The following JAK1 variants were observed in gnomAD, a reference collection of about 807,000 sequenced individuals.
JAK1 encodes the protein Janus kinase 1.
JAK1 carries 16 observed loss-of-function variants against 136.6 expected under a neutral mutation model. The observed-to-expected ratio is 0.12, with a 90% CI of 0.08 to 0.18. The LOEUF is 0.18. Ranked by LOEUF, JAK1 falls within the 10% of genes least tolerant of loss-of-function variation. The pLI is 1.00. For synonymous variants in JAK1, 492 were observed against 519.5 expected, an observed-to-expected ratio of 0.95 and a Z score of 0.72; for missense variants, 859 against 1,450.1, an observed-to-expected ratio of 0.59 and a Z score of 6.62.
chr1:64,902,618 A>G (rs1192481956), intron 1 of JAK1, among the ~76,000 whole-genome samples: 4 of 65,086 alleles, frequency 6.1e-5, no homozygotes, highest in Non-Finnish European at 1.0e-4. Context: ...GTGTTATGGC[A>G]TGTTAAGATG....
chr1:64,840,548 C>G lies in JAK1; in HGVS notation c.2649+697G>C, dbSNP rs1654828258. Among the ~76,000 whole-genome samples, 5 of 152,198 alleles carry G rather than the reference C, an allele frequency of 3.3e-5. No homozygotes were observed. The South Asian group carries it at 1.0e-3, about 31-fold the overall frequency. On this transcript the variant is annotated intron_variant, in intron 19 of 24. Transcript: ENST00000342505. ...ATAAACCTATCCCTGCTCTAAAGAGCCTTACAGGGCTGGGTATGGTGGCTT... is the reference window on the plus strand; with the variant it reads ...ATAAACCTATCCCTGCTCTAAAGAGGCTTACAGGGCTGGGTATGGTGGCTT...
intron 1 of JAK1, among the ~76,000 whole-genome samples, chr1:64,911,464 A>G (rs1645284661): frequency 6.6e-6 from 1 of 152,216 alleles, no homozygotes; most frequent in South Asian, 2.1e-4. Flanking sequence ...TACACCCCCA[A>G]CAATATCATG....
intron 1 of JAK1, among the ~76,000 whole-genome samples, chr1:64,937,395 T>C (rs1268876492): frequency 6.6e-6 from 1 of 152,260 alleles, no homozygotes; most frequent in Non-Finnish European, 1.5e-5. Flanking sequence ...TCAGCCATTA[T>C]TCTAGTTGTA....
intron 1 of JAK1, among the ~76,000 whole-genome samples, chr1:64,910,564 T>G (rs770187425): frequency 6.6e-6 from 1 of 152,178 alleles, no homozygotes; most frequent in African/African-American, 2.4e-5. Context: ...CCAGGTGTGG[T>G]GGCTCACGCC....
chr1:64,887,945 G>A (rs1019973867), intron 1 of JAK1, among the ~76,000 whole-genome samples: 5 of 152,200 alleles, frequency 3.3e-5, no homozygotes, highest in Non-Finnish European at 7.3e-5. Context: ...CTTGCTAACT[G>A]CATGTCTGGA....
chr1:65,027,341 C>T (rs1051660619), intron 2 of JAK1, among the ~76,000 whole-genome samples: 1 of 152,120 alleles, frequency 6.6e-6, no homozygotes, highest in African/African-American at 2.4e-5. Flanking sequence ...GTGTGAGCCA[C>T]TGCACCCAGC....
chr1:65,018,497 C>CACAA (rs1553181624), intron 2 of JAK1, among the ~76,000 whole-genome samples: 19 of 151,310 alleles, frequency 1.3e-4, no homozygotes, highest in East Asian at 3.9e-4. Flanking sequence ...AACACACACA[C>CACAA]ACACACACAC....
intron 2 of JAK1, chr1:64,986,093 T>A: frequency 3.2e-6 from 3 of 935,930 alleles, no homozygotes; most frequent in Non-Finnish European, 4.9e-6. Context: ...ATGTCCCCCA[T>A]GGCCTCAATC....
Position 64,941,120 on chromosome 1 carries a change from G to A in JAK1, c.-78+25213C>T, listed in dbSNP as rs577343819. On this transcript the variant is annotated intron_variant, in intron 1 of 24. Coordinates refer to ENST00000342505, the MANE Select transcript of JAK1 (RefSeq NM_002227.4). ...CAGGGGTTGCAGTGAGCCAAAGATC[G>A]TGCCACTGCACTCCAGCCTGGGCTA... 8.5e-5 allele frequency among the ~76,000 whole-genome samples: 13 copies of A among 152,268 alleles called. No homozygotes were observed. The South Asian group carries it at 2.1e-3, about 24-fold the overall frequency.
At chr1:64,949,984 TA>T (rs1298842890) in intron 1 of JAK1, among the ~76,000 whole-genome samples, 1 of 152,100 alleles carries the variant, frequency 6.6e-6, no homozygotes, top group African/African-American at 2.4e-5. Context: ...TAAAATAGAA[TA>T]AAAAAGTTTA....
intron 2 of JAK1, among the ~76,000 whole-genome samples, chr1:64,978,093 C>T (rs1051415395): frequency 2.0e-5 from 3 of 152,084 alleles, no homozygotes; most frequent in South Asian, 2.1e-4. Flanking sequence ...TCCTGGCCAA[C>T]GTGGTGAAAC....
intron 2 of JAK1, among the ~76,000 whole-genome samples, chr1:64,997,187 C>T (rs917784876): frequency 2.6e-5 from 4 of 152,186 alleles, no homozygotes; most frequent in Middle Eastern, 3.4e-3. Flanking sequence ...GTAATTTCTA[C>T]GGATAAAATC....
intron 2 of JAK1, chr1:64,985,608 A>G: frequency 1.1e-6 from 1 of 891,038 alleles, no homozygotes; most frequent in Non-Finnish European, 1.8e-6. Context: ...AATTCCAACA[A>G]CAATGCCCAG....
At chr1:64,970,134 CAAA>C (rs1232133832), upstream of JAK1, among the ~76,000 whole-genome samples, 1 of 49,502 alleles carries the variant, frequency 2.0e-5, no homozygotes. Context: ...GACCCTGTCT[CAAA>C]AAAAAAAAAA....
intron 1 of JAK1, among the ~76,000 whole-genome samples, chr1:65,046,583 T>G (rs1463513960): frequency 4.6e-5 from 7 of 152,230 alleles, no homozygotes; most frequent in Non-Finnish European, 1.5e-5. Flanking sequence ...ACAGTGTAGC[T>G]GTCCATCAGT....
At chr1:65,059,680 A>G (rs1647705695) in intron 1 of JAK1, among the ~76,000 whole-genome samples, 1 of 152,228 alleles carries the variant, frequency 6.6e-6, no homozygotes, top group South Asian at 2.1e-4. Context: ...ATTGGAATTC[A>G]GGCATCAGAA....
Position 64,844,003 on chromosome 1 carries a change from G to A in JAK1, c.2403+61C>T. 1.3e-6 allele frequency: 2 copies of A among 1,597,008 alleles called. No homozygotes were observed. The highest frequency in any genetic ancestry group is 8.6e-7 in the Non-Finnish European group (1 of 1,168,776). Reference sequence around the variant, plus strand: ...AGTGCCAGGCTTCCGACAACTCCTGGGAAGCCCACGAGCACCTGAAAGCCC... The same window carrying A: ...AGTGCCAGGCTTCCGACAACTCCTGAGAAGCCCACGAGCACCTGAAAGCCC... On this transcript the variant is annotated intron_variant, in intron 17 of 24. Transcript: ENST00000342505. The surrounding 1 kb of genome is among the most constrained non-coding windows in gnomAD (Gnocchi z 5.7).
At chr1:64,876,769 T>C (rs932974364) in intron 4 of JAK1, among the ~76,000 whole-genome samples, 2 of 152,136 alleles carry the variant, frequency 1.3e-5, no homozygotes, top group African/African-American at 2.4e-5. Flanking sequence ...TACCTGCCTA[T>C]ATTCCTTTTC....
chr1:65,026,067 A>T (rs1646975626), intron 2 of JAK1, among the ~76,000 whole-genome samples: 1 of 152,188 alleles, frequency 6.6e-6, no homozygotes, highest in African/African-American at 2.4e-5. Context: ...TAAACCTGTA[A>T]AAGTGCCTGG....
Sources: allele counts gnomAD v4.1 joint callset (sites outside exome capture counted in the v4.1 genomes callset), GRCh38; gene constraint gnomAD v4.1.1; non-coding constraint Gnocchi (gnomAD v3.1); transcripts MANE v1.5; gene names NCBI Gene and HGNC (gene_info 2026-07-23, HGNC 2026-07-21).